Variants in DISC1 observed in about 807,000 individuals in gnomAD.
DISC1 encodes the protein DISC1 scaffold protein.
Under a neutral mutation model 84.5 loss-of-function variants are expected in DISC1, and 57 were observed. The observed-to-expected ratio is 0.67, with a 90% CI of 0.55 to 0.84. The LOEUF (loss-of-function observed/expected upper bound fraction) is 0.84. Among genes scored for constraint, DISC1 ranks in the 40% least tolerant of loss-of-function variants. The pLI, the probability that DISC1 is intolerant of heterozygous loss-of-function variation, is 0.00. For missense variants in DISC1, 1,000 were observed against 1,057.8 expected (o/e 0.95, Z 0.76); for synonymous variants, 411 against 415.2 (o/e 0.99, Z 0.12).
At chr1:231,818,269 C>G in intron 8 of DISC1, 60 bp from the exon 9 acceptor site, 1 of 1,529,396 alleles carries the variant, frequency 6.5e-7, no homozygotes, top group Admixed American at 1.7e-5. Context: ...GCTAGATCTT[C>G]CATGTGTGTG....
At chr1:231,974,315 A>G (rs1236708932) in intron 10 of DISC1, among the ~76,000 whole-genome samples, 1 of 152,172 alleles carries the variant, frequency 6.6e-6, no homozygotes, top group Non-Finnish European at 1.5e-5. Context: ...CCGAAATATG[A>G]TATCATTTAA....
At chr1:231,940,617 A>T (rs1203200880) in intron 9 of DISC1, among the ~76,000 whole-genome samples, 2 of 152,318 alleles carry the variant, frequency 1.3e-5, no homozygotes, top group East Asian at 3.9e-4. Context: ...GTCTATTTTT[A>T]AATTCTCCTA....
At chr1:231,733,856 TA>T (rs2072058065) in intron 3 of DISC1, among the ~76,000 whole-genome samples, 1 of 148,464 alleles carries the variant, frequency 6.7e-6, no homozygotes, top group South Asian at 2.1e-4. Flanking sequence ...GTAGTGATGG[TA>T]GGGGTGGTGG....
chr1:231,755,494 T>C (rs563846636), intron 4 of DISC1, among the ~76,000 whole-genome samples: 44 of 152,338 alleles, frequency 2.9e-4, no homozygotes, highest in African/African-American at 1.0e-3. Flanking sequence ...CTAGCCCTGA[T>C]TTATCTCCAG....
At chr1:231,668,764 A>T (rs978419750) in intron 1 of DISC1, among the ~76,000 whole-genome samples, 20 of 152,192 alleles carry the variant, frequency 1.3e-4, no homozygotes, top group Non-Finnish European at 2.9e-5. Flanking sequence ...GTATCCTTTA[A>T]ATTGACAAGC....
At chr1:231,932,878 G>T (rs529796185) in intron 9 of DISC1, among the ~76,000 whole-genome samples, 1 of 152,098 alleles carries the variant, frequency 6.6e-6, no homozygotes, top group Non-Finnish European at 1.5e-5. Flanking sequence ...GAAAAAAATC[G>T]TATTTTGCCT....
intron 9 of DISC1, among the ~76,000 whole-genome samples, chr1:231,861,449 C>A (rs1002306956): frequency 4.3e-4 from 47 of 109,912 alleles, no homozygotes; most frequent in East Asian, 1.5e-3. Flanking sequence ...TTGATTTTGA[C>A]AAGTTTTTTT....
At chr1:231,963,074 C>A (rs1660606627) in intron 10 of DISC1, among the ~76,000 whole-genome samples, 1 of 152,206 alleles carries the variant, frequency 6.6e-6, no homozygotes, top group East Asian at 1.9e-4. Flanking sequence ...TCTTAAAATA[C>A]CAATCTGGTC....
chr1:231,737,720 C>T (rs1350418873), intron 3 of DISC1, among the ~76,000 whole-genome samples: 3 of 152,218 alleles, frequency 2.0e-5, no homozygotes, highest in South Asian at 2.1e-4. Flanking sequence ...TAATTCTGCA[C>T]TTAAAAGTCA....
chr1:231,985,622 T>C (rs370021295), intron 10 of DISC1, among the ~76,000 whole-genome samples: 1 of 152,244 alleles, frequency 6.6e-6, no homozygotes, highest in Non-Finnish European at 1.5e-5. Context: ...AAGCCTTTGT[T>C]TGTAACCAGT....
chr1:231,723,519 T>C, intron 3 of DISC1: 2 of 985,500 alleles, frequency 2.0e-6, no homozygotes, highest in Non-Finnish European at 2.4e-6. Context: ...TGTGGTTACA[T>C]CAAAGGTTAA....
At chr1:231,778,893 G>T (rs112077029) in intron 6 of DISC1, among the ~76,000 whole-genome samples, 1 of 152,134 alleles carries the variant, frequency 6.6e-6, no homozygotes, top group African/African-American at 2.4e-5. Flanking sequence ...TACAAACTGA[G>T]TTCCCAGCCC....
chr1:231,752,150 G>A (rs1334838768), intron 4 of DISC1, among the ~76,000 whole-genome samples: 2 of 152,114 alleles, frequency 1.3e-5, no homozygotes, highest in African/African-American at 4.8e-5. Flanking sequence ...TATCTCTTTA[G>A]CCATACCTGC....
At chr1:232,032,033 G>C (rs374290160) in intron 12 of DISC1, among the ~76,000 whole-genome samples, 6 of 152,132 alleles carry the variant, frequency 3.9e-5, no homozygotes, top group Non-Finnish European at 8.8e-5. Context: ...CTTTTTTTCA[G>C]ATTGTGGAAT....
intron 3 of DISC1, among the ~76,000 whole-genome samples, chr1:231,713,430 G>A (rs1458606700): frequency 6.6e-6 from 1 of 151,956 alleles, no homozygotes; most frequent in African/African-American, 2.4e-5. Flanking sequence ...GAAAAACAGT[G>A]TATGAACAAA....
chr1:231,956,095 C>G (rs1005663879), intron 9 of DISC1, among the ~76,000 whole-genome samples: 3 of 152,148 alleles, frequency 2.0e-5, no homozygotes, highest in Admixed American at 1.3e-4. Flanking sequence ...GCCCTGCCCC[C>G]CAATGTGGAG....
intron 7 of DISC1, among the ~76,000 whole-genome samples, chr1:231,799,350 C>G (rs532383937): frequency 2.6e-5 from 4 of 152,166 alleles, no homozygotes; most frequent in Admixed American, 2.6e-4. Flanking sequence ...GCAGCTTTGA[C>G]CTTCATCTCA....
intron 1 of DISC1, among the ~76,000 whole-genome samples, chr1:231,666,961 TG>T (rs1288641833): frequency 6.6e-6 from 1 of 152,168 alleles, no homozygotes; most frequent in African/African-American, 2.4e-5. Context: ...TGTGTTTAAA[TG>T]TTTATGTATT....
chr1:231,890,919 C>T (rs2126004187), intron 9 of DISC1, among the ~76,000 whole-genome samples: 1 of 152,154 alleles, frequency 6.6e-6, no homozygotes, highest in Middle Eastern at 3.4e-3. Flanking sequence ...ATAGTTAATG[C>T]TATGCTCACA....
Sources: gnomAD v4.1 joint callset for allele counts (sites outside exome capture counted in the v4.1 genomes callset) on GRCh38, gnomAD v4.1.1 for gene constraint, MANE v1.5 for transcripts, NCBI Gene and HGNC (gene_info 2026-07-23, HGNC 2026-07-21) for gene names.